IL1F10: variants seen among roughly 807,000 people sequenced by gnomAD.
IL1F10 encodes the protein interleukin-1 family member 10.
IL1F10 carries 13 observed loss-of-function variants against 13.1 expected under a neutral mutation model. The ratio of observed to expected loss-of-function variants is 0.99; its 90% CI spans 0.64 to 1.57. IL1F10 has a LOEUF of 1.57. Among genes scored for constraint, IL1F10 ranks in the 40% most tolerant of loss-of-function variants. IL1F10 has a pLI of 0.00. For synonymous variants in IL1F10, 78 were observed against 68.2 expected (o/e 1.14, Z -0.71); for missense variants, 191 against 184.1 (o/e 1.04, Z -0.22).
In IL1F10 at chr2:113,068,341, G is replaced by GTTTTTT. The variant is rs11334338; in HGVS notation, c.-29+334_-29+339dup. Among the ~76,000 whole-genome samples the GTTTTTT allele has an allele frequency of 3.4e-4, 48 of 140,710 alleles. 1 individual carries two copies. The highest frequency in any genetic ancestry group is 9.1e-4 in the African/African-American group (35 of 38,320). 92.3% of individuals were successfully genotyped at this position (140,710 alleles called of 152,430 possible). A position where few individuals can be genotyped will look rare whatever the true frequency, so the allele number is the denominator to read the frequency against. ...GAAGCTTAAGAGATTTTTTGTTTTC[G>GTTTTTT]TTTTTTTTTTTTTTGTGCTCCTTGG... On this transcript the variant is annotated intron_variant, in intron 1 of 4. Coordinates refer to ENST00000341010, the MANE Select transcript of IL1F10 (RefSeq NM_173161.3).
chr2:113,071,352 A>C (rs1441811814), intron 1 of IL1F10, among the ~76,000 whole-genome samples: 1 of 152,340 alleles, frequency 6.6e-6, no homozygotes, highest in South Asian at 2.1e-4. Context: ...GATTTTTTTC[A>C]ACTTCTTGCT....
At chr2:113,069,439 G>A (rs1234195460) in intron 1 of IL1F10, among the ~76,000 whole-genome samples, 5 of 152,220 alleles carry the variant, frequency 3.3e-5, no homozygotes, top group African/African-American at 7.2e-5. Context: ...ATAACCTGTA[G>A]GGACTTGATA....
At chr2:113,072,670 C>T (rs983530082) in intron 1 of IL1F10, 41 bp from the exon 2 acceptor site, 3 of 1,438,558 alleles carry the variant, frequency 2.1e-6, no homozygotes, top group Non-Finnish European at 2.9e-6. Context: ...CTGGCTTCAC[C>T]CAGCCTCCTT....
In IL1F10 at chr2:113,074,870, T is replaced by C. The variant is rs1406290651; in HGVS notation, c.246+20T>C. 2 of 1,609,442 alleles carry C rather than the reference T, an allele frequency of 1.2e-6. No individual in the cohort carries two copies. Among genetic ancestry groups the C allele is most frequent in the Admixed American group, 3.4e-5 (2 of 59,428 alleles). ...CTGGAGGTGAGAGGCCTCTCCCCAT[T>C]CTAGGGGACACTGCAGACCTGGCCT... On this transcript the variant is annotated intron_variant, in intron 4 of 4. Transcript: ENST00000341010.
intron 2 of IL1F10, 93 bp downstream of exon 2, chr2:113,072,863 C>A: frequency 8.9e-7 from 1 of 1,123,360 alleles, no homozygotes; most frequent in Non-Finnish European, 1.3e-6. Context: ...GGCTCCTTCT[C>A]ACCTTAGAAA....
At position 113,072,769 on chromosome 2, in the gene IL1F10, A is replaced by T; in HGVS notation, c.31A>T (p.Ile11Leu). The T allele has an allele frequency of 1.2e-6, 2 of 1,612,962 alleles. No homozygotes were observed. The highest frequency in any genetic ancestry group is 1.7e-6 in the Non-Finnish European group (2 of 1,179,346). The change falls in exon 2 of 5, where the codon ATA (isoleucine) becomes TTA (leucine). Residue 11 changes from isoleucine to leucine, a missense_variant and splice_region_variant. By Grantham distance (5) the Ile-to-Leu change is conservative. Transcript: ENST00000341010. ...TTCCCTCCCCATGGCAAGATACTAC[A>T]TGTAAGTTGTCCTGGCATGTCCCTG... MCSLPMARYYIIKYADQKALY... is the reference protein window; with the variant it reads MCSLPMARYYLIKYADQKALY...
At chr2:113,072,633 TG>T in intron 1 of IL1F10, 77 bp from the exon 2 acceptor site, 1 of 941,600 alleles carries the variant, frequency 1.1e-6, no homozygotes, top group Non-Finnish European at 1.7e-6. Context: ...CTTGGCTGAG[TG>T]GTTCTAAGCC....
Position 113,075,268 on chromosome 2 carries a change from C to T in IL1F10, c.363C>T (p.Phe121=), listed in dbSNP as rs1685919115. The T allele has an allele frequency of 1.2e-6, 2 of 1,612,898 alleles. No homozygotes were observed. The highest frequency in any genetic ancestry group is 2.2e-5 in the East Asian group (1 of 44,836). Reference sequence around the variant, plus strand: ...AGGCTGCTGCCTGGCCTGGCTGGTTCCTGTGTGGCCCGGCAGAGCCCCAGC... The same window carrying T: ...AGGCTGCTGCCTGGCCTGGCTGGTTTCTGTGTGGCCCGGCAGAGCCCCAGC... ...RLEAAAWPGW[F]LCGPAEPQQP... Residue 121 remains phenylalanine, a synonymous_variant, in exon 5 of 5, where the codon TTC becomes TTT. Coordinates refer to ENST00000341010, the MANE Select transcript of IL1F10 (RefSeq NM_173161.3).
chr2:113,074,440 T>A, intron 3 of IL1F10, 26 bp downstream of exon 3: 1 of 1,534,712 alleles, frequency 6.5e-7, no homozygotes, highest in Non-Finnish European at 9.0e-7. Flanking sequence ...CTCCACCCCA[T>A]GCTCCATCTG....
intron 2 of IL1F10, among the ~76,000 whole-genome samples, chr2:113,073,681 G>C (rs1685886164): frequency 6.6e-6 from 1 of 152,196 alleles, no homozygotes; most frequent in East Asian, 1.9e-4. Context: ...ACAGTCATTA[G>C]CTAAGGGTAT....
intron 2 of IL1F10, among the ~76,000 whole-genome samples, chr2:113,074,066 G>T (rs28928295): frequency 6.6e-6 from 1 of 152,220 alleles, no homozygotes; most frequent in South Asian, 2.1e-4. Context: ...TTGGCTCTCC[G>T]TTCTCCTCTG....
rs772687265 is a variant in IL1F10, at chr2:113,074,824, G to A, written c.220G>A (p.Glu74Lys). Residue 74 changes from glutamate to lysine, a missense_variant, in exon 4 of 5, where the codon GAA (glutamate) becomes AAA (lysine). Transcript: ENST00000341010. ...GSRCLACVET[E>K]EGPSLQLEDV... ...CCGCTGCCTGGCATGTGTGGAGACA[G>A]AAGAGGGGCCTTCCCTACAGCTGGA... 1 of 1,612,802 alleles carries A rather than the reference G, an allele frequency of 6.2e-7. No individual in the cohort carries two copies. The highest frequency in any genetic ancestry group is 8.5e-7 in the Non-Finnish European group (1 of 1,179,982).
rs28928299 is a variant in IL1F10 at position 113,074,951 on chromosome 2, C to T, written c.246+101C>T. The T allele has an allele frequency of 3.4e-3, 4,956 of 1,440,946 alleles. 151 individuals carry two copies. The African/African-American group carries it at 0.06, about 17-fold the overall frequency. The allele number at this position is 1,440,946 out of a possible 1,614,324, so 89.3% of individuals were successfully genotyped here. A position where few individuals can be genotyped will look rare whatever the true frequency, so the allele number is the denominator to read the frequency against. On this transcript the variant is annotated intron_variant, in intron 4 of 4. Coordinates refer to ENST00000341010, the MANE Select transcript of IL1F10 (RefSeq NM_173161.3). Reference sequence around the variant, plus strand: ...CTATCTGTGGATTCCCAGCCAGGTCCACATGTCCTACTTCCTCAGGTTTCC... The same window carrying T: ...CTATCTGTGGATTCCCAGCCAGGTCTACATGTCCTACTTCCTCAGGTTTCC...
At chr2:113,074,984 C>G in intron 4 of IL1F10, 134 bp downstream of exon 4, 4 of 1,259,458 alleles carry the variant, frequency 3.2e-6, no homozygotes, top group South Asian at 1.4e-5. Context: ...TCCACCATCT[C>G]CCTCTGCACC....
chr2:113,068,340 CG>C (rs1276986351), intron 1 of IL1F10, among the ~76,000 whole-genome samples: 4 of 110,786 alleles, frequency 3.6e-5, no homozygotes, highest in Admixed American at 1.8e-4. Context: ...TTTTTGTTTT[CG>C]TTTTTTTTTT....
chr2:113,072,798 T>C (rs1191223569), intron 2 of IL1F10, 28 bp downstream of exon 2: 2 of 1,605,110 alleles, frequency 1.2e-6, no homozygotes, highest in East Asian at 4.5e-5. Context: ...GTCCCTGCTT[T>C]CCAAGCCAGG....
At chr2:113,073,370 A>G (rs1189659193) in intron 2 of IL1F10, among the ~76,000 whole-genome samples, 1 of 152,168 alleles carries the variant, frequency 6.6e-6, no homozygotes, top group African/African-American at 2.4e-5. Flanking sequence ...TGCCCCTCCC[A>G]TGGACCCTGT....
chr2:113,075,327 C>T lies in IL1F10; in HGVS notation c.422C>T (p.Ser141Leu). ...PVQLTKESEP[S>L]ARTKFYFEQS... The stretch of plus-strand genomic sequence containing the variant: ...CAGCTCACCAAGGAGAGTGAGCCCT[C>T]AGCCCGTACCAAGTTTTACTTTGAA... Residue 141 changes from serine (S) to leucine (L), a missense_variant, in exon 5 of 5, where the codon TCA (serine) becomes TTA (leucine). Ser to Leu is a moderately radical substitution (Grantham distance 145). Transcript: ENST00000341010. 1 of 1,594,028 alleles carries T rather than the reference C, an allele frequency of 6.3e-7. No individual in the cohort carries two copies. The highest frequency in any genetic ancestry group is 8.6e-7 in the Non-Finnish European group (1 of 1,165,220).
chr2:113,075,097 G>T, intron 4 of IL1F10, 55 bp from the exon 5 acceptor site: 4 of 1,512,164 alleles, frequency 2.6e-6, no homozygotes, highest in Non-Finnish European at 3.6e-6. Flanking sequence ...AGGCCTCCAG[G>T]GCTAACACCT....
Sources: allele counts gnomAD v4.1 joint callset (sites outside exome capture counted in the v4.1 genomes callset), GRCh38; gene constraint gnomAD v4.1.1; transcripts MANE v1.5; gene names NCBI Gene and HGNC (gene_info 2026-07-23, HGNC 2026-07-21).